Variants in KIFAP3 observed in about 807,000 individuals in gnomAD.
KIFAP3 encodes kinesin-associated protein 3.
KIFAP3 carries 68 observed loss-of-function variants against 106.5 expected under a neutral mutation model. That is an observed-to-expected ratio of 0.64 (90% CI 0.53 to 0.78). The LOEUF (loss-of-function observed/expected upper bound fraction) is 0.78, where lower values mean the gene tolerates loss of function less well. Among genes scored for constraint, KIFAP3 ranks in the 30% least tolerant of loss-of-function variants. The probability of loss-of-function intolerance (pLI) is 0.00; values close to 1 mark genes in which losing one functional copy is unlikely to be tolerated. For synonymous variants in KIFAP3, 320 were observed against 311.5 expected, an observed-to-expected ratio of 1.03 and a Z score of -0.29; for missense variants, 780 against 941.8, an observed-to-expected ratio of 0.83 and a Z score of 2.25.
At chr1:170,030,339 T>G (rs1351705107) in intron 8 of KIFAP3, among the ~76,000 whole-genome samples, 4 of 151,814 alleles carry the variant, frequency 2.6e-5, no homozygotes, top group African/African-American at 9.7e-5. Context: ...CATTAATCAG[T>G]CACTAGGGAA....
intron 10 of KIFAP3, among the ~76,000 whole-genome samples, chr1:169,998,434 A>G (rs965486781): frequency 6.7e-6 from 1 of 150,116 alleles, no homozygotes; most frequent in African/African-American, 2.5e-5. Flanking sequence ...ACACACACAC[A>G]CACCACACAC....
At chr1:169,970,034 G>T (rs1278624208) in intron 17 of KIFAP3, among the ~76,000 whole-genome samples, 1 of 151,998 alleles carries the variant, frequency 6.6e-6, no homozygotes, top group East Asian at 1.9e-4. Flanking sequence ...ATGTACTGAA[G>T]GATACAAATC....
intron 10 of KIFAP3, among the ~76,000 whole-genome samples, chr1:170,012,049 T>G (rs1261830556): frequency 1.3e-5 from 2 of 152,092 alleles, no homozygotes; most frequent in Non-Finnish European, 2.9e-5. Flanking sequence ...TTACTAGGAA[T>G]AGAACCCTTG....
intron 10 of KIFAP3, among the ~76,000 whole-genome samples, chr1:170,003,485 G>A (rs1037182722): frequency 6.6e-6 from 1 of 152,164 alleles, no homozygotes; most frequent in Non-Finnish European, 1.5e-5. Flanking sequence ...AGTCAGGGAC[G>A]CACTTGAGGA....
intron 15 of KIFAP3, among the ~76,000 whole-genome samples, chr1:169,980,616 G>C (rs1030243782): frequency 6.6e-5 from 10 of 152,172 alleles, no homozygotes; most frequent in African/African-American, 2.4e-4. Context: ...AGCTACATGT[G>C]TTGGACACCA....
chr1:169,980,080 C>A (rs1294587313), intron 15 of KIFAP3, among the ~76,000 whole-genome samples: 3 of 151,948 alleles, frequency 2.0e-5, no homozygotes. Context: ...AATAAACTAT[C>A]TTTTGTTCAA....
chr1:169,991,689 T>C (rs1667114729), intron 11 of KIFAP3, among the ~76,000 whole-genome samples: 1 of 152,132 alleles, frequency 6.6e-6, no homozygotes, highest in Non-Finnish European at 1.5e-5. Context: ...ACAAATATGA[T>C]ATCTCACATT....
chr1:169,983,490 C>CTCA (rs1336218620), intron 12 of KIFAP3, 108 bp from the exon 13 acceptor site: 4 of 689,234 alleles, frequency 5.8e-6, no homozygotes, highest in Non-Finnish European at 7.6e-6. Flanking sequence ...AAATGCATAA[C>CTCA]TCTTAAGGGT....
chr1:169,972,920 T>C (rs1265057139), intron 16 of KIFAP3, among the ~76,000 whole-genome samples: 1 of 151,308 alleles, frequency 6.6e-6, no homozygotes, highest in Non-Finnish European at 1.5e-5. Flanking sequence ...AGCTCTATAG[T>C]TGTGTAGCTA....
At chr1:169,958,751 T>G (rs1665165753) in intron 18 of KIFAP3, among the ~76,000 whole-genome samples, 1 of 152,206 alleles carries the variant, frequency 6.6e-6, no homozygotes. Flanking sequence ...AATACGGCTT[T>G]ATAAATGACA....
At chr1:169,994,061 T>C (rs1185988884) in intron 10 of KIFAP3, among the ~76,000 whole-genome samples, 1 of 152,066 alleles carries the variant, frequency 6.6e-6, no homozygotes, top group Non-Finnish European at 1.5e-5. Flanking sequence ...TAATAATTGT[T>C]GATTGGTTAA....
intron 10 of KIFAP3, among the ~76,000 whole-genome samples, chr1:170,000,479 G>A (rs1667609347): frequency 6.6e-6 from 1 of 152,040 alleles, no homozygotes; most frequent in Non-Finnish European, 1.5e-5. Context: ...CGGAGTGAGA[G>A]CCCCTAAAGT....
intron 18 of KIFAP3, among the ~76,000 whole-genome samples, chr1:169,957,051 C>G (rs1203413969): frequency 6.6e-6 from 1 of 152,196 alleles, no homozygotes; most frequent in Non-Finnish European, 1.5e-5. Context: ...AGCCTCTCAT[C>G]CCAAGCACCT....
At chr1:169,983,671 T>C (rs772231356) in intron 12 of KIFAP3, among the ~76,000 whole-genome samples, 4 of 151,912 alleles carry the variant, frequency 2.6e-5, no homozygotes, top group Non-Finnish European at 5.9e-5. Context: ...TTGCCTGATA[T>C]AGAACTTCAT....
At chr1:170,069,706 T>A (rs6681074) in intron 1 of KIFAP3, among the ~76,000 whole-genome samples, 10,895 of 152,040 alleles carry the variant, frequency 0.072, 1,125 homozygotes, top group African/African-American at 0.23. Context: ...ACAGCCAATA[T>A]CATACTCAAT....
chr1:170,047,463 T>G lies in KIFAP3; in HGVS notation c.165-597A>C, dbSNP rs187306994. Among the ~76,000 whole-genome samples the G allele has an allele frequency of 8.6e-4, 131 of 151,824 alleles. 2 individuals are homozygous for G. The highest frequency in any genetic ancestry group is 7.5e-3 in the Admixed American group (114 of 15,258). On this transcript the variant is annotated intron_variant, in intron 2 of 19. Coordinates refer to ENST00000361580, the MANE Select transcript of KIFAP3 (RefSeq NM_014970.4). ...GGTGAAACCCTGTCTCTACTAAAGA[T>G]ACAAAAAATTTGCCAGGTGTGGTGG...
chr1:169,962,949 G>C (rs547612090), intron 17 of KIFAP3, among the ~76,000 whole-genome samples: 58 of 152,162 alleles, frequency 3.8e-4, no homozygotes, highest in African/African-American at 1.3e-3. Context: ...TACTAAACTT[G>C]ATTTTCTTTT....
intron 1 of KIFAP3, among the ~76,000 whole-genome samples, chr1:170,062,687 CT>C (rs945453292): frequency 2.6e-5 from 4 of 151,130 alleles, no homozygotes; most frequent in African/African-American, 4.9e-5. Flanking sequence ...GTCTTTTACA[CT>C]TTTTTTTTGG....
intron 19 of KIFAP3, among the ~76,000 whole-genome samples, chr1:169,925,801 G>A (rs1034797702): frequency 6.6e-6 from 1 of 152,120 alleles, no homozygotes; most frequent in Non-Finnish European, 1.5e-5. Context: ...GGCTGTTTGT[G>A]AGGCTTAATT....
Sources: gnomAD v4.1 joint callset for allele counts (sites outside exome capture counted in the v4.1 genomes callset) on GRCh38, gnomAD v4.1.1 for gene constraint, MANE v1.5 for transcripts, NCBI Gene and HGNC (gene_info 2026-07-23, HGNC 2026-07-21) for gene names.